PDLIM4: variants seen among roughly 807,000 people sequenced by gnomAD.
The protein encoded by PDLIM4 is PDZ and LIM domain 4, also known as PDZ and LIM domain protein 4.
In PDLIM4, 19 loss-of-function variants were observed where a neutral mutation model predicts 31.3. The ratio of observed to expected loss-of-function variants is 0.61; its 90% CI spans 0.42 to 0.89. The LOEUF is 0.89. PDLIM4 is among the 40% of genes least tolerant of loss of function. The pLI, the probability that PDLIM4 is intolerant of heterozygous loss-of-function variation, is 0.00. For missense variants in PDLIM4, 442 were observed against 461.1 expected, an observed-to-expected ratio of 0.96 and a Z score of 0.38; for synonymous variants, 176 against 190.1, an observed-to-expected ratio of 0.93 and a Z score of 0.61.
At position 132,257,861 on chromosome 5, in the gene PDLIM4, C is replaced by T; in HGVS notation, c.93+34C>T. ...GGCGGCTGCGTGGCGGCAGGGCGGT[C>T]CCATGTCTGAGACCGGGTTCTCGCG... On this transcript the variant is annotated intron_variant, in intron 1 of 6. Transcript: ENST00000253754. This position sits in a 1 kb window ranked among gnomAD's most constrained non-coding sequence, Gnocchi z 4.3. 1 of 1,275,698 alleles carries T rather than the reference C, an allele frequency of 7.8e-7. No homozygotes were observed. 79.0% of individuals were successfully genotyped at this position (1,275,698 alleles called of 1,614,324 possible).
chr5:132,262,485 T>A, intron 1 of PDLIM4, 124 bp from the exon 2 acceptor site: 1 of 880,540 alleles, frequency 1.1e-6, no homozygotes, highest in Non-Finnish European at 1.6e-6. Context: ...GGCTTGCCCA[T>A]CCACAGGCCA....
intron 2 of PDLIM4, 41 bp from the exon 3 acceptor site, chr5:132,266,423 G>T: frequency 7.3e-7 from 1 of 1,368,958 alleles, no homozygotes; most frequent in Non-Finnish European, 1.0e-6. Flanking sequence ...CATGGTGGGC[G>T]TGGTAGGAGA....
intron 2 of PDLIM4, among the ~76,000 whole-genome samples, chr5:132,263,566 A>G (rs1756421912): frequency 6.6e-6 from 1 of 152,146 alleles, no homozygotes; most frequent in Non-Finnish European, 1.5e-5. Context: ...CAGCTCTGAG[A>G]AGCAGTTGGC....
At chr5:132,271,151 C>T (rs1756600661) in intron 4 of PDLIM4, 58 bp downstream of exon 4, 1 of 1,551,834 alleles carries the variant, frequency 6.4e-7, no homozygotes, top group Non-Finnish European at 8.8e-7. Flanking sequence ...CTTGATCCCT[C>T]AAATCTCACC....
At chr5:132,261,521 C>T (rs939948746) in intron 1 of PDLIM4, 3 of 152,260 alleles carry the variant, frequency 2.0e-5, no homozygotes, top group African/African-American at 7.2e-5. Flanking sequence ...ACCAGCTGGG[C>T]ACTGGCTGGA....
Position 132,271,105 on chromosome 5 carries a change from A to T in PDLIM4, c.506+12A>T, listed in dbSNP as rs1471293594. On this transcript the variant is annotated intron_variant, in intron 4 of 6. Transcript: ENST00000253754. The stretch of plus-strand genomic sequence containing the variant: ...TCTCCACCCCCCAGGTAGCACAGAG[A>T]TGCCTTCGGTGCCATGCCCAGAACC... 1 of 1,611,028 alleles carries T rather than the reference A, an allele frequency of 6.2e-7. No individual in the cohort carries two copies. The highest frequency in any genetic ancestry group is 8.5e-7 in the Non-Finnish European group (1 of 1,177,768).
intron 3 of PDLIM4, among the ~76,000 whole-genome samples, chr5:132,269,229 ATGGCCCTGCAG>A (rs1756553815): frequency 6.6e-6 from 1 of 151,858 alleles, no homozygotes. Flanking sequence ...AGTGGCTCTG[ATGGCCCTGCAG>A]TGGACCCCTG....
intron 3 of PDLIM4, among the ~76,000 whole-genome samples, chr5:132,269,992 G>A (rs1262044666): frequency 6.6e-6 from 1 of 152,154 alleles, no homozygotes; most frequent in African/African-American, 2.4e-5. Context: ...GTGTGTGTGT[G>A]TCTTTAAAGC....
chr5:132,267,727 G>A (rs567305023), intron 3 of PDLIM4, among the ~76,000 whole-genome samples: 3 of 152,312 alleles, frequency 2.0e-5, no homozygotes, highest in South Asian at 4.1e-4. Context: ...CAAGATGGAA[G>A]GAGTGAGAGG....
chr5:132,260,573 C>T (rs968599972), intron 1 of PDLIM4, among the ~76,000 whole-genome samples: 6 of 152,328 alleles, frequency 3.9e-5, no homozygotes, highest in African/African-American at 1.4e-4. Context: ...GTCCTTCTGC[C>T]TGGAACACTA....
In PDLIM4 at chr5:132,270,944, C is replaced by T. The variant is rs1756593642; in HGVS notation, c.357C>T (p.Pro119=). Residue 119 remains proline, a synonymous_variant, in exon 4 of 7, where the codon CCC becomes CCT. Transcript: ENST00000253754. ...QDGSPTTSRR[P]SGTGTGPEDG... is the part of the protein sequence containing the mutation. Reference sequence around the variant, plus strand: ...GCAGCCCAACAACCAGCAGGCGGCCCTCAGGCACCGGGACTGGGCCAGAAG... The same window carrying T: ...GCAGCCCAACAACCAGCAGGCGGCCTTCAGGCACCGGGACTGGGCCAGAAG... The T allele has an allele frequency of 6.2e-7, 1 of 1,613,990 alleles. No homozygotes were observed. Among genetic ancestry groups the T allele is most frequent in the African/African-American group, 1.3e-5 (1 of 74,914 alleles).
At position 132,266,531 on chromosome 5, in the gene PDLIM4, G is replaced by C. The variant is rs371212671; in HGVS notation, c.313G>C (p.Asp105His). ...SKAQAHRIHI[D>H]PEIQDGSPTT... The stretch of plus-strand genomic sequence containing the variant: ...GGCTCAGGCACACAGGATCCACATC[G>C]ATCCTGAGATCCAGGTATGTACAGA... The change falls in exon 3 of 7, where the codon GAT (aspartate) becomes CAT (histidine). Residue 105 changes from aspartate to histidine, a missense_variant. By Grantham distance (81) the Asp-to-His change is moderately conservative. Coordinates refer to ENST00000253754, the MANE Select transcript of PDLIM4 (RefSeq NM_003687.4). The C allele has an allele frequency of 1.2e-6, 2 of 1,611,816 alleles. No homozygotes were observed. Among genetic ancestry groups the C allele is most frequent in the Admixed American group, 1.7e-5 (1 of 59,912 alleles).
At position 132,271,451 on chromosome 5, in the gene PDLIM4, G is replaced by T; in HGVS notation, c.655G>T (p.Glu219Ter). Residue 219 changes from glutamate to a stop codon, truncating the protein, a stop_gained, in exon 5 of 7, where the codon GAG (glutamate) becomes TAG (stop). Transcript: ENST00000253754. LOFTEE classifies it high-confidence loss of function. ...GSFRYLQGML[E>*]AGEGGDWPGP... ...CTTCCGCTACTTGCAGGGCATGCTAGAGGCCGGCGAGGGCGGTAAGACGCC... is the reference window on the plus strand; with the variant it reads ...CTTCCGCTACTTGCAGGGCATGCTATAGGCCGGCGAGGGCGGTAAGACGCC... The T allele has an allele frequency of 6.2e-7, 1 of 1,608,610 alleles. No individual in the cohort carries two copies.
chr5:132,258,843 T>C (rs1343786675), intron 1 of PDLIM4, among the ~76,000 whole-genome samples: 1 of 152,162 alleles, frequency 6.6e-6, no homozygotes, highest in Non-Finnish European at 1.5e-5. Flanking sequence ...TGGGGGCCTG[T>C]GTCAGAGGCA....
At position 132,273,436 on chromosome 5, in the gene PDLIM4, T is replaced by G. The variant is rs1040017114; in HGVS notation, c.*1207T>G. On this transcript the variant is annotated 3_prime_UTR_variant, in exon 7 of 7. Transcript: ENST00000253754. Reference sequence around the variant, plus strand: ...TTTTGCCAGTCTGTTAAGTAAAATGTCATATGCGTTTGTTTTAATTTGCAT... The same window carrying G: ...TTTTGCCAGTCTGTTAAGTAAAATGGCATATGCGTTTGTTTTAATTTGCAT... The G allele has an allele frequency of 6.6e-6, 1 of 152,218 alleles. No homozygotes were observed. Among genetic ancestry groups the G allele is most frequent in the Admixed American group, 6.5e-5 (1 of 15,290 alleles). 9.4% of individuals were successfully genotyped at this position (152,218 alleles called of 1,614,324 possible).
At chr5:132,260,840 G>A (rs538835088) in intron 1 of PDLIM4, among the ~76,000 whole-genome samples, 2 of 152,254 alleles carry the variant, frequency 1.3e-5, no homozygotes, top group South Asian at 4.1e-4. Flanking sequence ...CGCCCTCTCT[G>A]ACCAGAACTC....
In PDLIM4 at chr5:132,272,130, G is replaced by A. The variant is rs1293899839; in HGVS notation, c.894G>A (p.Glu298=). The change falls in exon 7 of 7, where the codon GAG becomes GAA. Residue 298 remains glutamate, a synonymous_variant. Coordinates refer to ENST00000253754, the MANE Select transcript of PDLIM4 (RefSeq NM_003687.4). ...LKQRGYFFLD[E]RLYCESHAKA... is the part of the protein sequence containing the mutation. ...AGCGTGGTTACTTCTTTCTGGACGA[G>A]CGGCTCTACTGTGAGAGCCACGCCA... 4.3e-6 allele frequency: 7 copies of A among 1,614,252 alleles called. No individual in the cohort carries two copies. Among genetic ancestry groups the A allele is most frequent in the Non-Finnish European group, 5.9e-6 (7 of 1,180,034 alleles).
intron 3 of PDLIM4, among the ~76,000 whole-genome samples, chr5:132,268,074 G>A (rs1324983022): frequency 6.6e-6 from 1 of 152,142 alleles, no homozygotes; most frequent in Non-Finnish European, 1.5e-5. Context: ...GGTGGGCCTG[G>A]GAGGCTGGCG....
chr5:132,266,740 G>A, intron 3 of PDLIM4, 195 bp downstream of exon 3: 1 of 471,956 alleles, frequency 2.1e-6, no homozygotes, highest in Non-Finnish European at 3.8e-6. Context: ...ACCTGGTGTG[G>A]GCTCTGTCTC....
Sources: allele counts gnomAD v4.1 joint callset (sites outside exome capture counted in the v4.1 genomes callset), GRCh38; gene constraint gnomAD v4.1.1; non-coding constraint Gnocchi (gnomAD v3.1); transcripts MANE v1.5; gene names NCBI Gene and HGNC (gene_info 2026-07-23, HGNC 2026-07-21).